CSMD1: variants seen among roughly 807,000 people sequenced by gnomAD.
CSMD1 encodes the protein CUB and Sushi multiple domains 1.
Under a neutral mutation model 417.5 loss-of-function variants are expected in CSMD1, and 213 were observed. The ratio of observed to expected loss-of-function variants is 0.51; its 90% CI spans 0.46 to 0.57. The LOEUF is 0.57. CSMD1 is among the 20% of genes least tolerant of loss of function. CSMD1 has a pLI of 0.00. For synonymous variants in CSMD1, 2,862 were observed against 1,736.8 expected (o/e 1.65, Z -16.11); for missense variants, 6,923 against 4,529.7 (o/e 1.53, Z -15.17).
At chr8:4,469,926 G>A (rs1236114523) in intron 2 of CSMD1, among the ~76,000 whole-genome samples, 1 of 151,488 alleles carries the variant, frequency 6.6e-6, no homozygotes, top group Non-Finnish European at 1.5e-5. Context: ...GGAGTGCAGT[G>A]GTGTGATCTC....
chr8:3,836,194 T>G (rs1324574823), intron 5 of CSMD1, among the ~76,000 whole-genome samples: 1 of 152,194 alleles, frequency 6.6e-6, no homozygotes, highest in African/African-American at 2.4e-5. Flanking sequence ...TTCCACTTGT[T>G]TATTTTGATC....
chr8:3,158,888 G>C (rs1819706794), intron 38 of CSMD1, among the ~76,000 whole-genome samples: 1 of 152,016 alleles, frequency 6.6e-6, no homozygotes. Context: ...AGCCACACTG[G>C]GAACGCATCA....
Position 3,214,645 on chromosome 8 carries a change from C to G in CSMD1, c.4719G>C (p.Gly1573=). ...ACFDPGNIMN[G]TRVGTDFKLG... The stretch of plus-strand genomic sequence containing the variant: ...GCTTGAAGTCTGTTCCAACTCTTGT[C>G]CCATTCATTATATTTCCTGGGTCAA... The change falls in exon 30 of 70, where the codon GGG becomes GGC. Residue 1573 remains glycine (G), a synonymous_variant. Coordinates refer to ENST00000635120, the MANE Select transcript of CSMD1 (RefSeq NM_033225.6). 4 of 1,552,540 alleles carry G rather than the reference C, an allele frequency of 2.6e-6. No individual in the cohort carries two copies. The highest frequency in any genetic ancestry group is 3.5e-6 in the Non-Finnish European group (4 of 1,147,482).
intron 10 of CSMD1, among the ~76,000 whole-genome samples, chr8:3,571,676 G>C (rs1376432419): frequency 2.6e-5 from 4 of 152,016 alleles, no homozygotes; most frequent in African/African-American, 4.8e-5. Flanking sequence ...CGGGGGTCCT[G>C]TGTTCCTCCC....
intron 12 of CSMD1, among the ~76,000 whole-genome samples, chr8:3,464,811 T>A (rs1816707682): frequency 1.3e-5 from 2 of 152,272 alleles, no homozygotes; most frequent in Admixed American, 6.5e-5. Flanking sequence ...TATTTTTAAT[T>A]CAGTATTTTC....
chr8:3,528,462 C>A (rs1204521002), intron 10 of CSMD1, among the ~76,000 whole-genome samples: 1 of 152,218 alleles, frequency 6.6e-6, no homozygotes, highest in African/African-American at 2.4e-5. Flanking sequence ...TGCCTTGCTT[C>A]AGCTTCCAAA....
intron 3 of CSMD1, among the ~76,000 whole-genome samples, chr8:4,161,460 T>C (rs1797161762): frequency 6.6e-6 from 1 of 152,230 alleles, no homozygotes; most frequent in Admixed American, 6.5e-5. Flanking sequence ...ATAAGTTGAA[T>C]GGCTTACTCA....
chr8:3,627,032 G>A (rs1392399063), intron 7 of CSMD1, among the ~76,000 whole-genome samples: 1 of 152,004 alleles, frequency 6.6e-6, no homozygotes. Context: ...CAGGAGTTTA[G>A]GCATTTTTAA....
chr8:4,013,399 A>T lies in CSMD1; in HGVS notation c.611-15289T>A, dbSNP rs150502964. On this transcript the variant is annotated intron_variant, in intron 4 of 69. Coordinates refer to ENST00000635120, the MANE Select transcript of CSMD1 (RefSeq NM_033225.6). ...CATTTCTGATATTCTCGCAGGGCTC[A>T]CTCTGTCCCGTTCATTAGAGGTCCA... 3.4e-3 allele frequency among the ~76,000 whole-genome samples: 519 copies of T among 152,114 alleles called. 3 individuals are homozygous for T. The highest frequency in any genetic ancestry group is 0.011 in the African/African-American group (474 of 41,474).
chr8:3,514,237 G>C (rs1486686983), intron 10 of CSMD1, among the ~76,000 whole-genome samples: 3 of 152,126 alleles, frequency 2.0e-5, no homozygotes, highest in Non-Finnish European at 4.4e-5. Flanking sequence ...GGCTTTCTTA[G>C]AGTCTCTTTC....
chr8:3,296,061 G>A (rs1283984321), intron 25 of CSMD1, among the ~76,000 whole-genome samples: 1 of 151,930 alleles, frequency 6.6e-6, no homozygotes, highest in African/African-American at 2.4e-5. Flanking sequence ...TAACAAATGA[G>A]TGAAGAATAT....
chr8:4,918,532 T>TG (rs1806223064), intron 1 of CSMD1, among the ~76,000 whole-genome samples: 1 of 151,512 alleles, frequency 6.6e-6, no homozygotes, highest in Non-Finnish European at 1.5e-5. Flanking sequence ...GATATAAATG[T>TG]GAAAAAAAAA....
At chr8:3,654,090 T>A (rs1009914952) in intron 7 of CSMD1, among the ~76,000 whole-genome samples, 1 of 152,118 alleles carries the variant, frequency 6.6e-6, no homozygotes, top group African/African-American at 2.4e-5. Flanking sequence ...TCTTTTCTGT[T>A]AGAGTAGAGG....
chr8:3,931,227 T>C (rs2954607), intron 5 of CSMD1, among the ~76,000 whole-genome samples: 59,508 of 150,060 alleles, frequency 0.4, 13,802 homozygotes, highest in Admixed American at 0.46. Flanking sequence ...GTTCGGAGAA[T>C]GATAATACAT....
intron 26 of CSMD1, among the ~76,000 whole-genome samples, chr8:3,265,045 T>C (rs538430306): frequency 6.6e-6 from 1 of 152,308 alleles, no homozygotes; most frequent in African/African-American, 2.4e-5. Context: ...AAAGCATCTT[T>C]AGGGCACTTC....
At chr8:4,943,420 C>T (rs1420787374) in intron 1 of CSMD1, among the ~76,000 whole-genome samples, 4 of 151,638 alleles carry the variant, frequency 2.6e-5, no homozygotes, top group African/African-American at 7.3e-5. Context: ...GGCGTGAACC[C>T]GGGAGGCGGA....
intron 3 of CSMD1, among the ~76,000 whole-genome samples, chr8:4,378,797 C>T (rs34714143): frequency 0.22 from 32,829 of 151,980 alleles, 3,686 homozygotes; most frequent in Middle Eastern, 0.29. Flanking sequence ...CCTTGTAAGA[C>T]GTCAAGGGAG....
rs1013541182 is a variant in CSMD1 at position 2,936,500 on chromosome 8, G to A, written c.*2085C>T. 2.0e-5 allele frequency: 3 copies of A among 151,984 alleles called. No individual in the cohort carries two copies. The highest frequency in any genetic ancestry group is 4.4e-5 in the Non-Finnish European group (3 of 68,012). The allele number at this position is 151,984 out of a possible 1,614,324, so 9.4% of individuals were successfully genotyped here. On this transcript the variant is annotated 3_prime_UTR_variant, in exon 70 of 70. Transcript: ENST00000635120. ...CGTTCAATGTGTGTGTTAGGAGCAC[G>A]ACTCCCGCTGACCTCGTCCCGTCTA...
intron 7 of CSMD1, among the ~76,000 whole-genome samples, chr8:3,679,208 C>T (rs937907782): frequency 1.3e-5 from 2 of 152,212 alleles, no homozygotes; most frequent in African/African-American, 4.8e-5. Context: ...TGCAAATGGG[C>T]TAAATGCTCC....
Sources: allele counts gnomAD v4.1 joint callset (sites outside exome capture counted in the v4.1 genomes callset), GRCh38; gene constraint gnomAD v4.1.1; transcripts MANE v1.5; gene names NCBI Gene and HGNC (gene_info 2026-07-23, HGNC 2026-07-21).